The following DRG1 variants were observed in gnomAD, a reference collection of about 807,000 sequenced individuals.
DRG1 encodes developmentally regulated GTP binding protein 1.
In DRG1, 19 loss-of-function variants were observed where a neutral mutation model predicts 38.8. The observed-to-expected ratio is 0.49, with a 90% CI of 0.34 to 0.72. The LOEUF is 0.72. Among genes scored for constraint, DRG1 ranks in the 30% least tolerant of loss-of-function variants. The probability of loss-of-function intolerance (pLI) is 0.01; values close to 1 mark genes in which losing one functional copy is unlikely to be tolerated. For missense variants in DRG1, 299 were observed against 444.8 expected, an observed-to-expected ratio of 0.67 and a Z score of 2.95; for synonymous variants, 167 against 157.5, an observed-to-expected ratio of 1.06 and a Z score of -0.45.
intron 4 of DRG1, among the ~76,000 whole-genome samples, chr22:31,412,827 A>G (rs893791700): frequency 6.6e-6 from 1 of 151,880 alleles, no homozygotes; most frequent in Non-Finnish European, 1.5e-5. Context: ...CAGGGACTAC[A>G]GGTGCGTGCC....
At chr22:31,411,182 G>T in intron 4 of DRG1, 101 bp downstream of exon 4, 1 of 1,249,356 alleles carries the variant, frequency 8.0e-7, no homozygotes, top group Admixed American at 2.0e-5. Context: ...CCACAGTGAA[G>T]GGCATAGTTT....
At chr22:31,404,421 T>G (rs2049978867) in intron 3 of DRG1, among the ~76,000 whole-genome samples, 1 of 151,796 alleles carries the variant, frequency 6.6e-6, no homozygotes, top group South Asian at 2.1e-4. Flanking sequence ...TTGTATTTTT[T>G]TGTAGAGACG....
intron 2 of DRG1, among the ~76,000 whole-genome samples, chr22:31,401,819 C>T (rs185395478): frequency 1.6e-3 from 243 of 151,962 alleles, no homozygotes; most frequent in Non-Finnish European, 2.7e-3. Context: ...TTCGGGAGGC[C>T]GAAGTGGGCA....
At chr22:31,431,019 T>TC (rs10570678) in intron 8 of DRG1, among the ~76,000 whole-genome samples, 15 of 81,004 alleles carry the variant, frequency 1.9e-4, no homozygotes, top group African/African-American at 2.5e-4. Context: ...CACCCGGCCT[T>TC]CCCCCCCCCC....
chr22:31,401,546 T>C (rs1479576400), intron 2 of DRG1, among the ~76,000 whole-genome samples: 1 of 141,016 alleles, frequency 7.1e-6, no homozygotes, highest in Non-Finnish European at 1.5e-5. Flanking sequence ...ATTGTACCAC[T>C]GCACTCCAGC....
chr22:31,424,828 A>G (rs2050101012), intron 6 of DRG1, among the ~76,000 whole-genome samples: 1 of 65,614 alleles, frequency 1.5e-5, no homozygotes, highest in Admixed American at 2.6e-4. Flanking sequence ...TTTTTTTTGG[A>G]GTCTTGCTTT....
At chr22:31,406,526 A>G (rs975321066) in intron 3 of DRG1, among the ~76,000 whole-genome samples, 2 of 151,984 alleles carry the variant, frequency 1.3e-5, no homozygotes, top group African/African-American at 4.8e-5. Context: ...TGTCTCTACT[A>G]AAAATAAAAA....
intron 4 of DRG1, 118 bp downstream of exon 4, chr22:31,411,199 A>C (rs755816072): frequency 1.9e-6 from 2 of 1,061,658 alleles, no homozygotes; most frequent in Non-Finnish European, 2.8e-6. Flanking sequence ...GTTTCACCTG[A>C]CTTCTCATTT....
rs778540888 is a variant in DRG1, at chr22:31,427,026, G to C, written c.882-34G>C. ...ACATTCAACACATGAGATAGTCTAA[G>C]AAGGCAGTAATCTTTATGCCCTCTC... On this transcript the variant is annotated intron_variant, in intron 7 of 8. Coordinates refer to ENST00000331457, the MANE Select transcript of DRG1 (RefSeq NM_004147.4). 5.6e-6 allele frequency: 9 copies of C among 1,612,784 alleles called. No homozygotes were observed. In the Admixed American group the frequency reaches 1.5e-4, roughly 27 times the overall value.
chr22:31,419,456 C>T (rs1057041556), intron 4 of DRG1, among the ~76,000 whole-genome samples: 1 of 151,518 alleles, frequency 6.6e-6, no homozygotes, highest in East Asian at 1.9e-4. Flanking sequence ...TCCCAAAGTG[C>T]TAGGATTACA....
At chr22:31,420,849 A>G (rs576883926) in intron 5 of DRG1, among the ~76,000 whole-genome samples, 14 of 152,338 alleles carry the variant, frequency 9.2e-5, no homozygotes, top group Admixed American at 3.3e-4. Context: ...ATAGAAAACA[A>G]TGTTAATGAG....
rs1337931838 is a variant in DRG1 at position 31,423,317 on chromosome 22, G to A, written c.620G>A (p.Ser207Asn). The change falls in exon 6 of 9, where the codon AGC becomes AAC. Residue 207 changes from serine to asparagine, a missense_variant. Physicochemically the swap from Ser to Asn is conservative, Grantham distance 46. Transcript: ENST00000331457. ...QSELDAETVK[S>N]ILAEYKIHNA... ...GAGCTGGATGCTGAAACTGTGAAGA[G>A]CATTCTGGCTGAATACAAGATTCAT... is the stretch of plus-strand genomic sequence containing the variant. 6.2e-7 allele frequency: 1 copy of A among 1,613,952 alleles called. No homozygotes were observed. Among genetic ancestry groups the A allele is most frequent in the Non-Finnish European group, 8.5e-7 (1 of 1,180,024 alleles).
chr22:31,410,272 T>C (rs1278395295), intron 3 of DRG1, among the ~76,000 whole-genome samples: 1 of 151,702 alleles, frequency 6.6e-6, no homozygotes, highest in African/African-American at 2.4e-5. Flanking sequence ...CTGGCCAATA[T>C]GGTGAAACCC....
intron 4 of DRG1, among the ~76,000 whole-genome samples, chr22:31,413,474 A>G (rs948336540): frequency 4.6e-5 from 7 of 151,778 alleles, no homozygotes; most frequent in Admixed American, 1.3e-4. Context: ...TAATCCTGCT[A>G]TTGAGTGTAT....
chr22:31,427,078 C>A lies in DRG1; in HGVS notation c.900C>A (p.Gly300=), dbSNP rs776399080. ...KLVRIYTKPK[G]QLPDYTSPVV... is the part of the protein sequence containing the mutation. ...ATTCTAGTTACACCAAACCCAAAGG[C>A]CAGTTACCAGATTACACATCCCCAG... The change falls in exon 8 of 9, where the codon GGC becomes GGA. Residue 300 remains glycine (G), a synonymous_variant. Coordinates refer to ENST00000331457, the MANE Select transcript of DRG1 (RefSeq NM_004147.4). The A allele has an allele frequency of 1.2e-5, 20 of 1,613,986 alleles. No homozygotes were observed. Among genetic ancestry groups the A allele is most frequent in the Middle Eastern group, 3.3e-4 (2 of 6,062 alleles).
chr22:31,420,597 GCCAGTCTC>G (rs2050071556), intron 5 of DRG1, among the ~76,000 whole-genome samples, 172 bp downstream of exon 5: 2 of 152,176 alleles, frequency 1.3e-5, no homozygotes, highest in African/African-American at 2.4e-5. Flanking sequence ...TAGGATAGGA[GCCAGTCTC>G]AGACTTACCT....
intron 6 of DRG1, 60 bp from the exon 7 acceptor site, chr22:31,426,555 A>C: frequency 4.0e-6 from 6 of 1,488,664 alleles, no homozygotes; most frequent in Non-Finnish European, 4.6e-6. Context: ...GCTGTTCAAC[A>C]GTCTGACAGT....
At chr22:31,431,025 C>CA (rs2050135892) in intron 8 of DRG1, among the ~76,000 whole-genome samples, 1 of 119,026 alleles carries the variant, frequency 8.4e-6, no homozygotes, top group Non-Finnish European at 1.8e-5. Flanking sequence ...GCCTTCCCCC[C>CA]CCCCCCCCGC....
intron 8 of DRG1, among the ~76,000 whole-genome samples, chr22:31,428,319 C>T (rs2145871267): frequency 6.6e-6 from 1 of 152,074 alleles, no homozygotes; most frequent in South Asian, 2.1e-4. Context: ...TCATGCCATT[C>T]TCCTGCCTCA....
Sources: gnomAD v4.1 joint callset for allele counts (sites outside exome capture counted in the v4.1 genomes callset) on GRCh38, gnomAD v4.1.1 for gene constraint, MANE v1.5 for transcripts, NCBI Gene and HGNC (gene_info 2026-07-23, HGNC 2026-07-21) for gene names.